Variants in MAST2 observed in about 807,000 individuals in gnomAD.
MAST2 encodes microtubule associated serine/threonine kinase 2, also known as microtubule-associated serine/threonine-protein kinase 2.
A neutral mutation model predicts 147.4 loss-of-function variants in MAST2; 70 were observed. The observed-to-expected ratio is 0.47, with a 90% CI of 0.39 to 0.58. The LOEUF (loss-of-function observed/expected upper bound fraction) is 0.58, where lower values mean the gene tolerates loss of function less well. Ranked by LOEUF, MAST2 falls within the 20% of genes least tolerant of loss-of-function variation. MAST2 has a pLI of 0.00. For synonymous variants in MAST2, 869 were observed against 896.8 expected, an observed-to-expected ratio of 0.97 and a Z score of 0.55; for missense variants, 2,080 against 2,302.3, an observed-to-expected ratio of 0.90 and a Z score of 1.98.
intron 4 of MAST2, among the ~76,000 whole-genome samples, chr1:45,884,546 C>T (rs912209169): frequency 1.5e-4 from 22 of 151,578 alleles, no homozygotes; most frequent in Admixed American, 9.2e-4. Context: ...AGTGATGCGC[C>T]GTCAAAAAAT....
At chr1:45,846,190 AT>A (rs1006408444) in intron 3 of MAST2, among the ~76,000 whole-genome samples, 7 of 152,104 alleles carry the variant, frequency 4.6e-5, no homozygotes, top group African/African-American at 7.2e-5. Context: ...GTGTATACAA[AT>A]TTTTTATCAC....
At chr1:45,847,978 A>T (rs1645497329) in intron 3 of MAST2, among the ~76,000 whole-genome samples, 1 of 152,236 alleles carries the variant, frequency 6.6e-6, no homozygotes, top group African/African-American at 2.4e-5. Context: ...GTGATAGTTT[A>T]GTTGCAATAG....
intron 3 of MAST2, among the ~76,000 whole-genome samples, chr1:45,876,145 A>G (rs1646596186): frequency 6.6e-6 from 1 of 152,226 alleles, no homozygotes; most frequent in Non-Finnish European, 1.5e-5. Context: ...AAATGCAGTG[A>G]AGCTTCATTA....
intron 2 of MAST2, among the ~76,000 whole-genome samples, chr1:45,827,019 G>A (rs1470828706): frequency 4.6e-5 from 7 of 152,006 alleles, no homozygotes; most frequent in African/African-American, 1.4e-4. Context: ...TAGTAGAGAC[G>A]GGGTTTCACT....
At chr1:46,001,289 A>G (rs1645263875) in intron 6 of MAST2, among the ~76,000 whole-genome samples, 1 of 152,188 alleles carries the variant, frequency 6.6e-6, no homozygotes, top group Non-Finnish European at 1.5e-5. Flanking sequence ...GACCAGATAG[A>G]GGAAATAGAG....
At chr1:45,929,385 G>A (rs141484293) in intron 4 of MAST2, among the ~76,000 whole-genome samples, 2 of 152,270 alleles carry the variant, frequency 1.3e-5, no homozygotes, top group South Asian at 2.1e-4. Context: ...AGAGCAGCAG[G>A]GGGGGAGTTG....
At chr1:46,010,641 A>T in intron 9 of MAST2, 89 bp from the exon 10 acceptor site, 1 of 1,114,762 alleles carries the variant, frequency 9.0e-7, no homozygotes, top group Non-Finnish European at 1.3e-6. Context: ...GAGGGAGCCC[A>T]TTATTTTGCT....
At chr1:45,931,003 A>G (rs1655199754) in intron 4 of MAST2, among the ~76,000 whole-genome samples, 1 of 152,240 alleles carries the variant, frequency 6.6e-6, no homozygotes. Context: ...ACTTTAGTGT[A>G]TACTTCCTAC....
intron 9 of MAST2, 31 bp from the exon 10 acceptor site, chr1:46,010,699 G>A (rs368935857): frequency 1.3e-6 from 2 of 1,599,182 alleles, no homozygotes; most frequent in Non-Finnish European, 1.7e-6. Flanking sequence ...GAACTAGAAG[G>A]GAAGTGTTTC....
chr1:45,900,037 G>T (rs547549498), intron 4 of MAST2, among the ~76,000 whole-genome samples: 1 of 151,624 alleles, frequency 6.6e-6, no homozygotes, highest in Admixed American at 6.6e-5. Flanking sequence ...AGGCATGGTG[G>T]TGTGCACTTT....
intron 10 of MAST2, among the ~76,000 whole-genome samples, chr1:46,017,885 A>G (rs540135608): frequency 6.6e-6 from 1 of 152,344 alleles, no homozygotes; most frequent in African/African-American, 2.4e-5. Context: ...TTATTGCGGC[A>G]CTATTCACAA....
chr1:45,882,657 T>A (rs1235235964), intron 4 of MAST2, among the ~76,000 whole-genome samples: 1 of 152,250 alleles, frequency 6.6e-6, no homozygotes, highest in African/African-American at 2.4e-5. Context: ...AACTTAAATA[T>A]TCATCACAGT....
chr1:45,818,650 G>A (rs912669572), intron 1 of MAST2, among the ~76,000 whole-genome samples: 1 of 152,144 alleles, frequency 6.6e-6, no homozygotes, highest in Non-Finnish European at 1.5e-5. Flanking sequence ...ACAATTGGTC[G>A]TTGTGAACTT....
intron 4 of MAST2, among the ~76,000 whole-genome samples, chr1:45,939,542 T>TG (rs869310576): frequency 6.3e-4 from 84 of 134,248 alleles, no homozygotes; most frequent in African/African-American, 2.2e-3. Flanking sequence ...AATTTTTTTT[T>TG]GGGGGGGTGG....
At chr1:46,029,108 A>G (rs1311949069) in intron 18 of MAST2, 175 bp downstream of exon 18, 1 of 683,820 alleles carries the variant, frequency 1.5e-6, no homozygotes, top group Non-Finnish European at 2.4e-6. Context: ...ATACATGTGC[A>G]CACTGTGTCC....
intron 3 of MAST2, among the ~76,000 whole-genome samples, chr1:45,882,149 G>A (rs1056232639): frequency 1.1e-4 from 17 of 148,342 alleles, no homozygotes; most frequent in Non-Finnish European, 1.9e-4. Flanking sequence ...CCAAGATTGC[G>A]CCACTGCACT....
chr1:45,933,942 G>C (rs1295672680), intron 4 of MAST2, among the ~76,000 whole-genome samples: 2 of 151,056 alleles, frequency 1.3e-5, no homozygotes, highest in Admixed American at 1.3e-4. Context: ...TTTAGGGTCA[G>C]GGGGTATTGT....
At chr1:45,922,185 A>G (rs11580953) in intron 4 of MAST2, among the ~76,000 whole-genome samples, 30,393 of 152,096 alleles carry the variant, frequency 0.2, 3,546 homozygotes, top group Non-Finnish European at 0.26. Context: ...GAGGGGAGGA[A>G]GTGCATGCTG....
intron 3 of MAST2, among the ~76,000 whole-genome samples, chr1:45,850,782 G>T (rs1238098423): frequency 6.7e-6 from 1 of 149,982 alleles, no homozygotes; most frequent in Non-Finnish European, 1.5e-5. Context: ...TTTATTTCTG[G>T]GTTCTCTATT....
Sources: gnomAD v4.1 joint callset for allele counts (sites outside exome capture counted in the v4.1 genomes callset) on GRCh38, gnomAD v4.1.1 for gene constraint, MANE v1.5 for transcripts, NCBI Gene and HGNC (gene_info 2026-07-23, HGNC 2026-07-21) for gene names.